The following FRMD6 variants were observed in gnomAD, a reference collection of about 807,000 sequenced individuals.
FRMD6 encodes FERM domain-containing protein 6.
A neutral mutation model predicts 73.2 loss-of-function variants in FRMD6; 37 were observed. That is an observed-to-expected ratio of 0.51 (90% CI 0.39 to 0.66). FRMD6 has a LOEUF of 0.66. FRMD6 is among the 30% of genes least tolerant of loss of function. FRMD6 has a pLI of 0.00. For synonymous variants in FRMD6, 273 were observed against 282.2 expected (o/e 0.97, Z 0.33); for missense variants, 714 against 780.5 (o/e 0.91, Z 1.02).
At chr14:51,398,043 A>G in the FRMD6 span, among the ~76,000 whole-genome samples, 1 of 152,226 alleles carries the variant, frequency 6.6e-6, no homozygotes, top group Non-Finnish European at 1.5e-5. Flanking sequence ...AAACATAGAC[A>G]ACAATTTTTT....
chr14:51,494,707 C>T (rs1195646870), intron 1 of FRMD6, among the ~76,000 whole-genome samples: 2 of 152,196 alleles, frequency 1.3e-5, no homozygotes, highest in Non-Finnish European at 2.9e-5. Flanking sequence ...TTTTGGTGCC[C>T]TAATGGTAGT....
rs1892546998 is a variant in FRMD6 at position 51,653,069 on chromosome 14, C to T, written c.-147+1073C>T. 2.0e-5 allele frequency among the ~76,000 whole-genome samples: 3 copies of T among 152,212 alleles called. No individual in the cohort carries two copies. In the East Asian group the frequency reaches 5.8e-4, roughly 29 times the overall value. On this transcript the variant is annotated intron_variant, in intron 1 of 13. Coordinates refer to ENST00000344768, the MANE Select transcript of FRMD6 (RefSeq NM_001267046.2). The stretch of plus-strand genomic sequence containing the variant: ...CGCAAAATCTGTTTTGCCAGTATTT[C>T]CCTCAGGAGCTGTGCATTGCTCACA...
chr14:51,485,380 C>A (rs1882743035), upstream of FRMD6, among the ~76,000 whole-genome samples: 1 of 152,212 alleles, frequency 6.6e-6, no homozygotes, highest in Non-Finnish European at 1.5e-5. Context: ...TCATTTTTAA[C>A]TAATTACATC....
chr14:51,624,221 G>A (rs769170332), intron 2 of FRMD6, among the ~76,000 whole-genome samples: 6 of 152,098 alleles, frequency 3.9e-5, no homozygotes, highest in Non-Finnish European at 7.4e-5. Flanking sequence ...CTGCTGGGTG[G>A]AAAAATCTGC....
In FRMD6 at chr14:51,722,075, A is replaced by C. The variant is rs1321977822; in HGVS notation, c.1487A>C (p.His496Pro). 15 of 1,613,898 alleles carry C rather than the reference A, an allele frequency of 9.3e-6. No homozygotes were observed. The highest frequency in any genetic ancestry group is 1.3e-5 in the Non-Finnish European group (15 of 1,179,968). ...DMLMSRKLNG[H>P]SGLIVKEIGS... The stretch of plus-strand genomic sequence containing the variant: ...CTCATGTCGCGGAAGCTGAATGGAC[A>C]CTCTGGTGAGCTCTTACGGGAAGTT... The change falls in exon 12 of 14, where the codon CAC (histidine) becomes CCC (proline). Residue 496 changes from histidine to proline, a missense_variant. By Grantham distance (77) the His-to-Pro change is moderately conservative. Coordinates refer to ENST00000344768, the MANE Select transcript of FRMD6 (RefSeq NM_001267046.2).
At chr14:51,511,940 T>A in intron 1 of FRMD6, among the ~76,000 whole-genome samples, 1 of 151,642 alleles carries the variant, frequency 6.6e-6, no homozygotes, top group Non-Finnish European at 1.5e-5. Flanking sequence ...AGAGCTAGGG[T>A]TAATATAATA....
chr14:51,471,496 G>A, the FRMD6 span, among the ~76,000 whole-genome samples: 17 of 137,726 alleles, frequency 1.2e-4, no homozygotes, highest in Admixed American at 5.1e-4. Context: ...GCCAGACTCC[G>A]TCTCGAAAAA....
chr14:51,604,284 A>G (rs1362523643), intron 2 of FRMD6, among the ~76,000 whole-genome samples: 1 of 152,204 alleles, frequency 6.6e-6, no homozygotes, highest in Non-Finnish European at 1.5e-5. Context: ...CAAGATGTGT[A>G]AGATACAGTA....
intron 2 of FRMD6, among the ~76,000 whole-genome samples, chr14:51,693,087 A>G (rs973359569): frequency 2.0e-5 from 3 of 152,164 alleles, no homozygotes; most frequent in Non-Finnish European, 2.9e-5. Flanking sequence ...GAAGAGTAGT[A>G]TGGAAGTGAA....
At chr14:51,447,857 A>G in the FRMD6 span, among the ~76,000 whole-genome samples, 1 of 152,132 alleles carries the variant, frequency 6.6e-6, no homozygotes, top group African/African-American at 2.4e-5. Flanking sequence ...CCTTACTTAT[A>G]ACTTTAAATC....
At chr14:51,660,279 A>G (rs1893124867) in intron 1 of FRMD6, among the ~76,000 whole-genome samples, 1 of 152,220 alleles carries the variant, frequency 6.6e-6, no homozygotes, top group African/African-American at 2.4e-5. Context: ...TTGAAAAGAT[A>G]TTAGATGTTT....
At chr14:51,554,797 G>A (rs1283301114) in intron 1 of FRMD6, 2 of 152,166 alleles carry the variant, frequency 1.3e-5, no homozygotes, top group African/African-American at 4.8e-5. Context: ...GACAGAAAGA[G>A]GACCTTAGGT....
chr14:51,692,789 A>G (rs1327478915), intron 2 of FRMD6: 3 of 152,164 alleles, frequency 2.0e-5, no homozygotes. Flanking sequence ...GCCTGATCTC[A>G]TGTGATCTCA....
chr14:51,535,354 C>T (rs1157286430), intron 1 of FRMD6, among the ~76,000 whole-genome samples: 1 of 152,156 alleles, frequency 6.6e-6, no homozygotes, highest in African/African-American at 2.4e-5. Context: ...CAATCATAAT[C>T]CTATTCTCCC....
At chr14:51,626,677 T>C (rs1346109657) in intron 2 of FRMD6, among the ~76,000 whole-genome samples, 1 of 152,062 alleles carries the variant, frequency 6.6e-6, no homozygotes, top group Non-Finnish European at 1.5e-5. Flanking sequence ...ACCCATGGAG[T>C]AGGGATTGAG....
chr14:51,584,911 C>CTCAGTT (rs1167309970), intron 2 of FRMD6, among the ~76,000 whole-genome samples: 2 of 152,090 alleles, frequency 1.3e-5, no homozygotes, highest in South Asian at 2.1e-4. Flanking sequence ...TTCTTTGTGG[C>CTCAGTT]TCAGTTTCCT....
intron 2 of FRMD6, among the ~76,000 whole-genome samples, chr14:51,640,514 C>T (rs1223358266): frequency 1.3e-5 from 2 of 152,134 alleles, no homozygotes; most frequent in African/African-American, 4.8e-5. Context: ...TGTCTAAAAG[C>T]AATCAGCTAA....
intron 2 of FRMD6, among the ~76,000 whole-genome samples, chr14:51,616,590 C>G (rs1414103000): frequency 1.3e-5 from 2 of 152,112 alleles, no homozygotes; most frequent in Non-Finnish European, 1.5e-5. Context: ...GTGAAGGAAG[C>G]TGGTTTTGGG....
intron 1 of FRMD6, among the ~76,000 whole-genome samples, chr14:51,490,782 A>G (rs1882958342): frequency 6.6e-6 from 1 of 152,206 alleles, no homozygotes; most frequent in Non-Finnish European, 1.5e-5. Flanking sequence ...GTACTGACCT[A>G]CTATAAAAAT....
Sources: gnomAD v4.1 joint callset for allele counts (sites outside exome capture counted in the v4.1 genomes callset) on GRCh38, gnomAD v4.1.1 for gene constraint, MANE v1.5 for transcripts, NCBI Gene and HGNC (gene_info 2026-07-23, HGNC 2026-07-21) for gene names.